Variants in SGSM1 observed in about 807,000 individuals in gnomAD.
SGSM1 encodes the protein small G protein signaling modulator 1.
A neutral mutation model predicts 133.8 loss-of-function variants in SGSM1; 73 were observed. The observed-to-expected ratio is 0.55, with a 90% CI of 0.45 to 0.66. The LOEUF is 0.66. Among genes scored for constraint, SGSM1 ranks in the 30% least tolerant of loss-of-function variants. The pLI is 0.00. For synonymous variants in SGSM1, 563 were observed against 573.0 expected (o/e 0.98, Z 0.25); for missense variants, 1,213 against 1,448.1 (o/e 0.84, Z 2.64).
chr22:24,892,279 C>T (rs1024161594), intron 16 of SGSM1, among the ~76,000 whole-genome samples: 1 of 152,062 alleles, frequency 6.6e-6, no homozygotes, highest in African/African-American at 2.4e-5. Flanking sequence ...CCTGAGTAGC[C>T]ATAGGAGAGG....
chr22:24,876,629 G>T lies in SGSM1; in HGVS notation c.1344G>T (p.Gln448His). The T allele has an allele frequency of 1.2e-6, 2 of 1,614,020 alleles. No individual in the cohort carries two copies. Among genetic ancestry groups the T allele is most frequent in the Non-Finnish European group, 1.7e-6 (2 of 1,179,902 alleles). Residue 448 changes from glutamine (Q) to histidine (H), a missense_variant, in exon 13 of 25, where the codon CAG becomes CAT. Transcript: ENST00000400358. ...TAAGCAACCTCCCATCCCTGTGGCAGCCCAGTCCCCGGAAGTCCTCCTGTT... is the reference window on the plus strand; with the variant it reads ...TAAGCAACCTCCCATCCCTGTGGCATCCCAGTCCCCGGAAGTCCTCCTGTT... Reference protein sequence around the residue: ...VSVSNLPSLWQPSPRKSSCSS... With the variant: ...VSVSNLPSLWHPSPRKSSCSS...
intron 2 of SGSM1, among the ~76,000 whole-genome samples, chr22:24,819,522 T>A (rs1997888): frequency 0.28 from 43,091 of 151,914 alleles, 6,721 homozygotes; most frequent in East Asian, 0.59. Context: ...AGGCCCGAGG[T>A]CACCCAGCAA....
intron 22 of SGSM1, among the ~76,000 whole-genome samples, chr22:24,914,877 A>AT (rs2123740474): frequency 6.6e-6 from 1 of 151,900 alleles, no homozygotes; most frequent in Non-Finnish European, 1.5e-5. Flanking sequence ...GGCTGTTTTT[A>AT]TTTGGTTTGG....
At chr22:24,892,824 G>A (rs943286849) in intron 16 of SGSM1, among the ~76,000 whole-genome samples, 19 of 150,558 alleles carry the variant, frequency 1.3e-4, no homozygotes, top group Admixed American at 4.0e-4. Flanking sequence ...TGAGGCGGGC[G>A]GATCACGAGG....
At chr22:24,912,053 T>G (rs1380333674) in intron 21 of SGSM1, among the ~76,000 whole-genome samples, 1 of 101,156 alleles carries the variant, frequency 9.9e-6, no homozygotes, top group Non-Finnish European at 1.9e-5. Flanking sequence ...AGATTCTGTC[T>G]TAAAAAAAAA....
intron 20 of SGSM1, among the ~76,000 whole-genome samples, chr22:24,903,334 G>A (rs917817131): frequency 1.3e-5 from 2 of 151,350 alleles, no homozygotes; most frequent in Admixed American, 1.3e-4. Context: ...TCAGCCTCCC[G>A]AGTAGCTGGG....
intron 22 of SGSM1, among the ~76,000 whole-genome samples, chr22:24,914,963 T>C (rs1222147645): frequency 6.6e-6 from 1 of 152,134 alleles, no homozygotes; most frequent in Non-Finnish European, 1.5e-5. Flanking sequence ...GCACGGTTTC[T>C]CACGCTTGTA....
intron 11 of SGSM1, 34 bp from the exon 12 acceptor site, chr22:24,868,688 TC>T: frequency 6.2e-7 from 1 of 1,612,556 alleles, no homozygotes; most frequent in Non-Finnish European, 8.5e-7. Flanking sequence ...GACAGATGTG[TC>T]CCAAGGACCT....
At position 24,855,672 on chromosome 22, in the gene SGSM1, GTTCAGC is replaced by G; in HGVS notation, c.794_799del (p.Val265_Pro267delinsAla). 3 of 1,613,972 alleles carry G rather than the reference GTTCAGC, an allele frequency of 1.9e-6. No individual in the cohort carries two copies. The highest frequency in any genetic ancestry group is 2.5e-6 in the Non-Finnish European group (3 of 1,179,876). On this transcript the variant is annotated inframe_deletion and splice_region_variant, in exon 8 of 25. Transcript: ENST00000400358. ...TCTCTATGGCAAAAACAACGTTCTT[GTTCAGC>G]CGGTGAGAGGTTATCTTGGGCCTAG...
intron 3 of SGSM1, among the ~76,000 whole-genome samples, chr22:24,845,953 C>CTTTTCTTTTCTTTTCTTTTCT (rs1463723067): frequency 1.3e-5 from 1 of 78,080 alleles, no homozygotes; most frequent in African/African-American, 4.5e-5. Context: ...TTCTTTCTTT[C>CTTTTCTTTTCTTTTCTTTTCT]TTTCTTTCTT....
intron 12 of SGSM1, chr22:24,874,626 C>T (rs1931940105): frequency 1.3e-6 from 2 of 1,521,630 alleles, no homozygotes; most frequent in East Asian, 4.8e-5. Context: ...TGCCAGCCAC[C>T]TCTGCCATGT....
rs770669982 is a variant in SGSM1 at position 24,859,687 on chromosome 22, G to T, written c.802-29G>T. The T allele has an allele frequency of 2.5e-6, 4 of 1,612,828 alleles. No homozygotes were observed. In the Admixed American group the frequency reaches 6.7e-5, roughly 27 times the overall value. On this transcript the variant is annotated intron_variant, in intron 8 of 24. Transcript: ENST00000400358. ...TGTCCACAGCAACTCCAGCACCATGGCCAGACCTGAGTCCTCCTCTCTCTG... is the reference window on the plus strand; with the variant it reads ...TGTCCACAGCAACTCCAGCACCATGTCCAGACCTGAGTCCTCCTCTCTCTG...
intron 2 of SGSM1, among the ~76,000 whole-genome samples, chr22:24,832,876 T>C (rs1340815474): frequency 6.6e-6 from 1 of 151,882 alleles, no homozygotes; most frequent in Non-Finnish European, 1.5e-5. Flanking sequence ...CCTTGGCTCA[T>C]AGGTGGCCAT....
rs748432818 is a variant in SGSM1, at chr22:24,844,949, G to A, written c.116G>A (p.Ser39Asn). ...AVTRKFVHED[S>N]SHIISFCAAV... ...ACACGCAAGTTTGTCCACGAAGACA[G>A]CAGCCACATCATCTCCTTCTGTGGT... The change falls in exon 3 of 25, where the codon AGC (serine) becomes AAC (asparagine). Residue 39 changes from serine to asparagine, a missense_variant. Transcript: ENST00000400358. 1.2e-6 allele frequency: 2 copies of A among 1,613,556 alleles called. No individual in the cohort carries two copies. The highest frequency in any genetic ancestry group is 1.7e-6 in the Non-Finnish European group (2 of 1,179,828).
chr22:24,855,381 A>C lies in SGSM1; in HGVS notation c.620A>C (p.His207Pro), dbSNP rs941020263. ...ADELVQRHRI[H>P]SSHVRQDSPT... is the part of the protein sequence containing the mutation. ...GAACTTGTCCAGAGGCACCGCATCC[A>C]CAGCTCCCACGTGCGGCAGGACTCG... Residue 207 changes from histidine (H) to proline (P), a missense_variant, in exon 7 of 25, where the codon CAC (histidine) becomes CCC (proline). Coordinates refer to ENST00000400358, the MANE Select transcript of SGSM1 (RefSeq NM_001098497.3). 6.2e-7 allele frequency: 1 copy of C among 1,613,564 alleles called. No homozygotes were observed. The highest frequency in any genetic ancestry group is 1.3e-5 in the African/African-American group (1 of 74,976).
At chr22:24,845,965 CTT>C (rs1368017352) in intron 3 of SGSM1, among the ~76,000 whole-genome samples, 2 of 128,158 alleles carry the variant, frequency 1.6e-5, no homozygotes, top group Admixed American at 7.9e-5. Context: ...TTCTTTCTTT[CTT>C]TCTTTCTTTC....
At chr22:24,871,400 C>T (rs1931757096) in intron 12 of SGSM1, among the ~76,000 whole-genome samples, 1 of 152,180 alleles carries the variant, frequency 6.6e-6, no homozygotes, top group African/African-American at 2.4e-5. Context: ...AAGATCATTC[C>T]TAAAACACCT....
intron 19 of SGSM1, among the ~76,000 whole-genome samples, chr22:24,898,819 A>G (rs1027256414): frequency 6.6e-6 from 1 of 152,074 alleles, no homozygotes; most frequent in East Asian, 1.9e-4. Context: ...CGAAGTCAGA[A>G]GATCGAGACC....
chr22:24,876,168 A>T (rs1932014838), intron 12 of SGSM1, among the ~76,000 whole-genome samples: 1 of 152,160 alleles, frequency 6.6e-6, no homozygotes, highest in African/African-American at 2.4e-5. Context: ...TCATCTATTG[A>T]GTCAGGCTCC....
Sources: gnomAD v4.1 joint callset for allele counts (sites outside exome capture counted in the v4.1 genomes callset) on GRCh38, gnomAD v4.1.1 for gene constraint, MANE v1.5 for transcripts, NCBI Gene and HGNC (gene_info 2026-07-23, HGNC 2026-07-21) for gene names.